Variants in SOX5 observed in about 807,000 individuals in gnomAD.
SOX5 encodes the protein transcription factor SOX-5.
A neutral mutation model predicts 92.0 loss-of-function variants in SOX5; 9 were observed. That is an observed-to-expected ratio of 0.10 (90% CI 0.06 to 0.17). SOX5 has a LOEUF of 0.17. Among genes scored for constraint, SOX5 ranks in the 10% least tolerant of loss-of-function variants. SOX5 has a pLI of 1.00. For missense variants in SOX5, 642 were observed against 944.5 expected (o/e 0.68, Z 4.20); for synonymous variants, 344 against 336.3 (o/e 1.02, Z -0.25).
At chr12:24,057,802 T>C (rs935123200) in intron 4 of SOX5, among the ~76,000 whole-genome samples, 2 of 152,226 alleles carry the variant, frequency 1.3e-5, no homozygotes, top group African/African-American at 4.8e-5. Context: ...ATAGTTCATT[T>C]GTGATTTGAG....
At chr12:23,818,665 ATTAAT>A (rs1461378522) in intron 3 of SOX5, among the ~76,000 whole-genome samples, 24 of 152,334 alleles carry the variant, frequency 1.6e-4, no homozygotes, top group Admixed American at 3.9e-4. Context: ...TAATTTTATA[ATTAAT>A]TAAATTAACT....
At chr12:24,028,653 A>C (rs1955155026) in intron 4 of SOX5, among the ~76,000 whole-genome samples, 1 of 152,000 alleles carries the variant, frequency 6.6e-6, no homozygotes, top group African/African-American at 2.4e-5. Flanking sequence ...CATGACAATA[A>C]AAGTAAAATC....
At chr12:24,138,270 A>G (rs1950278263) in intron 4 of SOX5, among the ~76,000 whole-genome samples, 1 of 152,250 alleles carries the variant, frequency 6.6e-6, no homozygotes, top group South Asian at 2.1e-4. Context: ...AAAGCAAAAA[A>G]GGAAGTGTGC....
Position 24,502,004 on chromosome 12 carries a change from GA to G in SOX5, c.-251+60324del, listed in dbSNP as rs1172679775. Among the ~76,000 whole-genome samples the G allele has an allele frequency of 9.2e-5, 14 of 151,862 alleles. No homozygotes were observed. In the South Asian group the frequency reaches 2.9e-3, roughly 32 times the overall value. ...ATGCTCTCCAGTCTCTTCACATCCTGAAAAAAAACACTCAGCCTGCAATGGG... is the reference window on the plus strand; with the variant it reads ...ATGCTCTCCAGTCTCTTCACATCCTGAAAAAAACACTCAGCCTGCAATGGG... On this transcript the variant is annotated intron_variant, in intron 1 of 4. Transcript: ENST00000446891.
At chr12:24,121,794 G>C (rs1948647663) in intron 4 of SOX5, among the ~76,000 whole-genome samples, 1 of 148,994 alleles carries the variant, frequency 6.7e-6, no homozygotes, top group Admixed American at 6.8e-5. Flanking sequence ...GCTGAGGCAG[G>C]AGAATCGCTT....
At chr12:23,808,131 A>ATATT (rs2095814428) in intron 3 of SOX5, among the ~76,000 whole-genome samples, 1 of 137,158 alleles carries the variant, frequency 7.3e-6, no homozygotes, top group African/African-American at 2.7e-5. Context: ...ATATATATAT[A>ATATT]TTTTTATATG....
At chr12:23,740,828 T>C (rs368610276) in intron 5 of SOX5, 39 bp downstream of exon 5, 252 of 1,554,180 alleles carry the variant, frequency 1.6e-4, no homozygotes, top group Non-Finnish European at 2.1e-4. Context: ...GGCAAAGTAA[T>C]GTCTGAGGAA....
At chr12:23,619,236 A>G (rs2076910467) in intron 8 of SOX5, among the ~76,000 whole-genome samples, 1 of 152,202 alleles carries the variant, frequency 6.6e-6, no homozygotes, top group Non-Finnish European at 1.5e-5. Flanking sequence ...TATGCTAAAT[A>G]AAACTACATT....
In SOX5 at chr12:24,171,226, TTTG is replaced by T. The variant is rs1313646055; in HGVS notation, c.-2+42114_-2+42116del. On this transcript the variant is annotated intron_variant, in intron 4 of 4. Coordinates refer to the SOX5 transcript ENST00000446891. ...GCCAACAGTTTTTTTTGTTTGTTTG[TTTG>T]TTTTTTTTTTTGGAGACAGAGTCTC... Among the ~76,000 whole-genome samples, 281 of 69,390 alleles carry T rather than the reference TTTG, an allele frequency of 4.0e-3. 26 individuals carry two copies. The highest frequency in any genetic ancestry group is 0.015 in the African/African-American group (271 of 18,480). The allele number at this position is 69,390 out of a possible 152,430, so 45.5% of individuals were successfully genotyped here.
chr12:24,312,999 C>CT (rs1949339341), intron 2 of SOX5, among the ~76,000 whole-genome samples: 2 of 152,094 alleles, frequency 1.3e-5, no homozygotes, highest in African/African-American at 4.8e-5. Flanking sequence ...CGGTTGTATG[C>CT]TTTTTTCTTT....
chr12:24,463,239 T>G (rs1326767405), intron 1 of SOX5, among the ~76,000 whole-genome samples: 1 of 152,142 alleles, frequency 6.6e-6, no homozygotes, highest in Non-Finnish European at 1.5e-5. Context: ...CTTATCTGTT[T>G]TCCCTTTAAA....
intron 4 of SOX5, among the ~76,000 whole-genome samples, chr12:23,968,813 C>T (rs1947891428): frequency 6.6e-6 from 1 of 152,146 alleles, no homozygotes; most frequent in African/African-American, 2.4e-5. Flanking sequence ...TCATTGATTT[C>T]TTTGAGTATT....
intron 9 of SOX5, among the ~76,000 whole-genome samples, chr12:23,581,202 T>C (rs1950000468): frequency 6.6e-6 from 1 of 152,036 alleles, no homozygotes; most frequent in Non-Finnish European, 1.5e-5. Flanking sequence ...TTAAGGAGTT[T>C]TAATAGAGAA....
intron 6 of SOX5, among the ~76,000 whole-genome samples, chr12:23,727,246 T>G (rs2093182261): frequency 6.6e-6 from 1 of 152,124 alleles, no homozygotes; most frequent in African/African-American, 2.4e-5. Flanking sequence ...CTTTGTTATT[T>G]CAAATAGCGT....
At chr12:24,296,419 A>C (rs1017918316) in intron 2 of SOX5, among the ~76,000 whole-genome samples, 33 of 152,220 alleles carry the variant, frequency 2.2e-4, no homozygotes, top group African/African-American at 7.9e-4. Context: ...TTTCTCTAAA[A>C]CTCTGTCCTT....
chr12:24,114,323 T>A (rs1029130160), intron 4 of SOX5, among the ~76,000 whole-genome samples: 1 of 152,032 alleles, frequency 6.6e-6, no homozygotes, highest in African/African-American at 2.4e-5. Context: ...ATGTCTGAAA[T>A]TGCAGCACTT....
At chr12:23,761,323 T>C (rs1362226599) in intron 3 of SOX5, among the ~76,000 whole-genome samples, 1 of 152,136 alleles carries the variant, frequency 6.6e-6, no homozygotes. Flanking sequence ...ACGCATTCGA[T>C]TGTCATGCAA....
chr12:24,169,547 C>A (rs181548184), intron 4 of SOX5, among the ~76,000 whole-genome samples: 13 of 152,294 alleles, frequency 8.5e-5, no homozygotes, highest in African/African-American at 3.1e-4. Context: ...GTTTACAGGG[C>A]ATTAGCATCT....
intron 3 of SOX5, among the ~76,000 whole-genome samples, chr12:24,276,239 T>A (rs1426982236): frequency 6.6e-6 from 1 of 152,114 alleles, no homozygotes; most frequent in African/African-American, 2.4e-5. Flanking sequence ...CATTTGTCTG[T>A]GAATATATGA....
Sources: allele counts gnomAD v4.1 joint callset (sites outside exome capture counted in the v4.1 genomes callset), GRCh38; gene constraint gnomAD v4.1.1; transcripts MANE v1.5; gene names NCBI Gene and HGNC (gene_info 2026-07-23, HGNC 2026-07-21).